RPTOR: variants seen among roughly 807,000 people sequenced by gnomAD.
RPTOR encodes regulatory-associated protein of mTOR.
A neutral mutation model predicts 169.9 loss-of-function variants in RPTOR; 21 were observed. That is an observed-to-expected ratio of 0.12 (90% CI 0.09 to 0.18). The LOEUF is 0.18. Ranked by LOEUF, RPTOR falls within the 10% of genes least tolerant of loss-of-function variation. The pLI is 1.00. For missense variants in RPTOR, 1,133 were observed against 1,855.9 expected, an observed-to-expected ratio of 0.61 and a Z score of 7.16; for synonymous variants, 732 against 753.2, an observed-to-expected ratio of 0.97 and a Z score of 0.46.
intron 7 of RPTOR, among the ~76,000 whole-genome samples, chr17:80,819,024 G>A (rs549586076): frequency 1.2e-3 from 180 of 152,196 alleles, no homozygotes; most frequent in Non-Finnish European, 1.7e-3. Flanking sequence ...GTGGGCTCAC[G>A]TTAGGGATGT....
In RPTOR at chr17:80,964,437, T is replaced by G. The variant is rs62068554; in HGVS notation, c.*107T>G. ...TGCTGCGGCCCCGCAGTGTGAACGT[T>G]GGCTGCTGCCTTAGCTGCTGATGAC... On this transcript the variant is annotated 3_prime_UTR_variant, in exon 34 of 34. Transcript: ENST00000306801. 3 of 1,117,038 alleles carry G rather than the reference T, an allele frequency of 2.7e-6. No individual in the cohort carries two copies. Among genetic ancestry groups the G allele is most frequent in the Non-Finnish European group, 2.7e-6 (2 of 748,720 alleles). 69.2% of individuals were successfully genotyped at this position (1,117,038 alleles called of 1,614,324 possible). A position where few individuals can be genotyped will look rare whatever the true frequency, so the allele number is the denominator to read the frequency against.
intron 9 of RPTOR, among the ~76,000 whole-genome samples, chr17:80,834,123 C>T (rs1362734740): frequency 3.3e-5 from 5 of 152,230 alleles, no homozygotes; most frequent in African/African-American, 9.6e-5. Context: ...GCTCAGCAGG[C>T]GGTGCCAGGG....
At chr17:80,610,958 G>A (rs1331896673) in intron 1 of RPTOR, among the ~76,000 whole-genome samples, 2 of 152,134 alleles carry the variant, frequency 1.3e-5, no homozygotes, top group African/African-American at 4.8e-5. Flanking sequence ...AATATAATGG[G>A]TTTTCGATCT....
At chr17:80,734,594 C>T (rs2066419441) in intron 5 of RPTOR, among the ~76,000 whole-genome samples, 2 of 152,240 alleles carry the variant, frequency 1.3e-5, no homozygotes, top group Admixed American at 1.3e-4. Context: ...AGCAGTGCCA[C>T]TGGGGACCAG....
chr17:80,842,536 T>C (rs955418716), intron 10 of RPTOR, among the ~76,000 whole-genome samples: 1 of 152,238 alleles, frequency 6.6e-6, no homozygotes, highest in Non-Finnish European at 1.5e-5. Context: ...CAGTTTACAC[T>C]CCTGCCTGCA....
At chr17:80,858,036 C>T (rs2067874185) in intron 13 of RPTOR, 136 bp downstream of exon 13, 1 of 733,148 alleles carries the variant, frequency 1.4e-6, no homozygotes, top group South Asian at 1.6e-5. Flanking sequence ...TTCCTCTCTT[C>T]TGGGGTAAAG....
Position 80,803,811 on chromosome 17 carries a change from G to A in RPTOR, c.890+12302G>A, listed in dbSNP as rs1166913965. On this transcript the variant is annotated intron_variant, in intron 7 of 33. Coordinates refer to ENST00000306801, the MANE Select transcript of RPTOR (RefSeq NM_020761.3). This position sits in a 1 kb window ranked among gnomAD's most constrained non-coding sequence, Gnocchi z 6.2. ...GAGAGCCATGTGATCGCACACAAGA[G>A]TGCCTGGATGCTTCTTTGATTGGGC... is the stretch of plus-strand genomic sequence containing the variant. 1 of 152,278 alleles carries A rather than the reference G, an allele frequency of 6.6e-6. No homozygotes were observed. The highest frequency in any genetic ancestry group is 1.5e-5 in the Non-Finnish European group (1 of 68,096). The allele number at this position is 152,278 out of a possible 1,614,324, so 9.4% of individuals were successfully genotyped here. A position where few individuals can be genotyped will look rare whatever the true frequency, so the allele number is the denominator to read the frequency against.
intron 3 of RPTOR, among the ~76,000 whole-genome samples, chr17:80,692,559 G>A (rs917768216): frequency 1.3e-5 from 2 of 152,152 alleles, no homozygotes; most frequent in African/African-American, 2.4e-5. Context: ...GACCTCAGGT[G>A]ATCCACCTGC....
intron 27 of RPTOR, among the ~76,000 whole-genome samples, chr17:80,949,129 G>A (rs930049854): frequency 6.6e-6 from 1 of 152,168 alleles, no homozygotes; most frequent in Non-Finnish European, 1.5e-5. Flanking sequence ...CCCTGGAGCT[G>A]GAGGGAGGAA....
chr17:80,760,307 C>CTTTTTTTT (rs71164001), intron 6 of RPTOR, among the ~76,000 whole-genome samples: 3 of 116,480 alleles, frequency 2.6e-5, no homozygotes. Context: ...TTTCTTTTTT[C>CTTTTTTTT]TTTTTTTTTT....
intron 25 of RPTOR, among the ~76,000 whole-genome samples, chr17:80,943,380 T>C (rs2069057539): frequency 6.6e-6 from 1 of 152,098 alleles, no homozygotes; most frequent in African/African-American, 2.4e-5. Flanking sequence ...AAAATTAGGC[T>C]CCCAGACACT....
rs771344082 is a variant in RPTOR at position 80,892,766 on chromosome 17, C to T, written c.2139C>T (p.Cys713=). 5 of 1,614,182 alleles carry T rather than the reference C, an allele frequency of 3.1e-6. No homozygotes were observed. The highest frequency in any genetic ancestry group is 3.4e-6 in the Non-Finnish European group (4 of 1,180,008). Residue 713 remains cysteine (C), a synonymous_variant, in exon 19 of 34, where the codon TGC becomes TGT. Coordinates refer to ENST00000306801, the MANE Select transcript of RPTOR (RefSeq NM_020761.3). The stretch of plus-strand genomic sequence containing the variant: ...TGACCCCAGTGCGAGACAGCCCGTG[C>T]ACCCCCAGACTTCGTTCTGTGAGCT... ...GSLTPVRDSP[C]TPRLRSVSSY...
intron 7 of RPTOR, among the ~76,000 whole-genome samples, chr17:80,806,727 A>G (rs2143558524): frequency 6.6e-6 from 1 of 152,226 alleles, no homozygotes; most frequent in East Asian, 1.9e-4. Flanking sequence ...GCCTTGTGCC[A>G]TATTATGGTT....
chr17:80,784,433 C>G (rs1478745632), intron 6 of RPTOR, among the ~76,000 whole-genome samples: 6 of 151,936 alleles, frequency 3.9e-5, no homozygotes, highest in African/African-American at 1.5e-4. Context: ...CTCTTGTTGC[C>G]CAGGCTGGAG....
At chr17:80,892,307 G>C (rs2068335674) in intron 18 of RPTOR, among the ~76,000 whole-genome samples, 2 of 152,154 alleles carry the variant, frequency 1.3e-5, no homozygotes, top group Non-Finnish European at 2.9e-5. Context: ...CTGCCGTGCA[G>C]GGGCTTGTCA....
intron 1 of RPTOR, among the ~76,000 whole-genome samples, chr17:80,603,748 G>C (rs2065208427): frequency 6.6e-6 from 1 of 152,188 alleles, no homozygotes; most frequent in African/African-American, 2.4e-5. Flanking sequence ...CCCAGAACAA[G>C]GTAGACCAAT....
intron 24 of RPTOR, among the ~76,000 whole-genome samples, chr17:80,938,366 C>T (rs971131298): frequency 6.6e-6 from 1 of 152,232 alleles, no homozygotes; most frequent in Non-Finnish European, 1.5e-5. Context: ...CCTTCCCACT[C>T]GAAAGTTCCT....
At chr17:80,598,546 C>G (rs938834446) in intron 1 of RPTOR, among the ~76,000 whole-genome samples, 1 of 152,150 alleles carries the variant, frequency 6.6e-6, no homozygotes, top group Non-Finnish European at 1.5e-5. Flanking sequence ...TGAGAGAGTC[C>G]TCAGGAACGT....
intron 12 of RPTOR, among the ~76,000 whole-genome samples, chr17:80,856,279 T>C (rs7218598): frequency 0.34 from 51,848 of 152,086 alleles, 10,595 homozygotes; most frequent in African/African-American, 0.58. Context: ...TTGGGTGTGG[T>C]AACTGGATCA....
Sources: gnomAD v4.1 joint callset for allele counts (sites outside exome capture counted in the v4.1 genomes callset) on GRCh38, gnomAD v4.1.1 for gene constraint, Gnocchi (gnomAD v3.1) non-coding constraint, MANE v1.5 for transcripts, NCBI Gene and HGNC (gene_info 2026-07-23, HGNC 2026-07-21) for gene names.